CABCOCO1: variants seen among roughly 807,000 people sequenced by gnomAD.
The protein encoded by CABCOCO1 is ciliary-associated calcium-binding coiled-coil protein 1.
CABCOCO1 carries 28 observed loss-of-function variants against 35.7 expected under a neutral mutation model. The ratio of observed to expected loss-of-function variants is 0.78; its 90% CI spans 0.58 to 1.07. CABCOCO1 has a LOEUF of 1.07. Among genes scored for constraint, CABCOCO1 ranks in the 50% least tolerant of loss-of-function variants. The probability of loss-of-function intolerance (pLI) is 0.00; values close to 1 mark genes in which losing one functional copy is unlikely to be tolerated. For missense variants in CABCOCO1, 326 were observed against 309.2 expected (o/e 1.05, Z -0.41); for synonymous variants, 95 against 100.1 (o/e 0.95, Z 0.30).
rs1589121208 is a variant in CABCOCO1 at position 61,686,123 on chromosome 10, T to G, written c.417T>G (p.Ser139Arg). The change falls in exon 4 of 8, where the codon AGT becomes AGG. Residue 139 changes from serine (S) to arginine (R), a missense_variant. By Grantham distance (110) the Ser-to-Arg change is moderately radical. Coordinates refer to ENST00000648843, the MANE Select transcript of CABCOCO1 (RefSeq NM_001366906.2). ...AEIGPTHSQK[S>R]EDWNIFDVKQ... ...TAGGACCAACACATTCGCAAAAGAG[T>G]GAGGACTGGAATATCTTTGATGTAA... 2 of 1,605,390 alleles carry G rather than the reference T, an allele frequency of 1.2e-6. No homozygotes were observed.
At chr10:61,702,443 G>A (rs1019099515) in intron 5 of CABCOCO1, among the ~76,000 whole-genome samples, 1 of 152,118 alleles carries the variant, frequency 6.6e-6, no homozygotes, top group African/African-American at 2.4e-5. Flanking sequence ...AAATCATATA[G>A]GATTGCTTAC....
Position 61,766,110 on chromosome 10 carries a change from G to GT in CABCOCO1, c.*99dup. 9.0e-7 allele frequency: 1 copy of GT among 1,115,738 alleles called. No individual in the cohort carries two copies. The highest frequency in any genetic ancestry group is 1.3e-6 in the Non-Finnish European group (1 of 783,134). 69.1% of individuals were successfully genotyped at this position (1,115,738 alleles called of 1,614,324 possible). ...TGGAGCGTCGTGTCTCCATCACTTA[G>GT]TTGTGAAAGGAAAACCAAGCCCCAC... On this transcript the variant is annotated 3_prime_UTR_variant, in exon 8 of 8. Transcript: ENST00000648843.
chr10:61,693,789 A>C (rs776582103), intron 5 of CABCOCO1, among the ~76,000 whole-genome samples: 3 of 152,116 alleles, frequency 2.0e-5, no homozygotes, highest in Non-Finnish European at 2.9e-5. Context: ...GATATCACAA[A>C]AAGGCAATTA....
intron 5 of CABCOCO1, among the ~76,000 whole-genome samples, chr10:61,715,550 T>C (rs984731817): frequency 1.3e-5 from 2 of 152,208 alleles, no homozygotes; most frequent in Non-Finnish European, 2.9e-5. Context: ...TTTGATCCTG[T>C]CATTGTGATA....
chr10:61,726,827 G>T (rs1045094286), intron 5 of CABCOCO1, among the ~76,000 whole-genome samples: 4 of 151,422 alleles, frequency 2.6e-5, no homozygotes, highest in Admixed American at 6.6e-5. Context: ...GGAGGCGAGC[G>T]GGGGTGGATC....
At chr10:61,738,860 T>C (rs1454940476) in intron 5 of CABCOCO1, among the ~76,000 whole-genome samples, 1 of 152,246 alleles carries the variant, frequency 6.6e-6, no homozygotes, top group Non-Finnish European at 1.5e-5. Context: ...ACTCATAATT[T>C]AGAGACTATT....
intron 1 of CABCOCO1, among the ~76,000 whole-genome samples, chr10:61,667,023 A>G (rs1036538319): frequency 1.4e-5 from 2 of 141,900 alleles, no homozygotes; most frequent in Admixed American, 1.5e-4. Flanking sequence ...AGTATATATA[A>G]ATATAATTAT....
At chr10:61,676,227 C>T (rs942837163) in intron 2 of CABCOCO1, among the ~76,000 whole-genome samples, 1 of 152,146 alleles carries the variant, frequency 6.6e-6, no homozygotes, top group African/African-American at 2.4e-5. Context: ...ATACAGTATT[C>T]ATGTGGTCTT....
intron 5 of CABCOCO1, among the ~76,000 whole-genome samples, chr10:61,715,800 G>T (rs1480766376): frequency 6.6e-6 from 1 of 152,104 alleles, no homozygotes; most frequent in South Asian, 2.1e-4. Flanking sequence ...GACATTCTGG[G>T]TTGAAAATTC....
At chr10:61,672,298 T>C (rs1839384466) in intron 1 of CABCOCO1, among the ~76,000 whole-genome samples, 1 of 152,224 alleles carries the variant, frequency 6.6e-6, no homozygotes, top group African/African-American at 2.4e-5. Flanking sequence ...GATGTTAAGC[T>C]TCTTGAGGTT....
intron 5 of CABCOCO1, among the ~76,000 whole-genome samples, chr10:61,749,306 T>C (rs545307211): frequency 4.6e-5 from 7 of 152,354 alleles, no homozygotes; most frequent in African/African-American, 1.7e-4. Flanking sequence ...GTCTAGGTTA[T>C]TGGTTGTTTT....
intron 5 of CABCOCO1, among the ~76,000 whole-genome samples, chr10:61,720,995 G>T (rs1841000203): frequency 7.4e-6 from 1 of 135,508 alleles, no homozygotes; most frequent in African/African-American, 2.7e-5. Context: ...CGCGATCTCG[G>T]TTAACTGCAA....
At chr10:61,745,483 A>T (rs2132073280) in intron 5 of CABCOCO1, among the ~76,000 whole-genome samples, 1 of 152,082 alleles carries the variant, frequency 6.6e-6, no homozygotes, top group South Asian at 2.1e-4. Context: ...AAAATCAGGG[A>T]CTCACCCAAC....
At chr10:61,730,522 T>C (rs1229224052) in intron 5 of CABCOCO1, among the ~76,000 whole-genome samples, 1 of 152,118 alleles carries the variant, frequency 6.6e-6, no homozygotes, top group African/African-American at 2.4e-5. Context: ...TATTGTCATT[T>C]AGTAACCATC....
intron 5 of CABCOCO1, among the ~76,000 whole-genome samples, chr10:61,753,466 A>C (rs1166407158): frequency 1.3e-5 from 2 of 152,278 alleles, no homozygotes; most frequent in East Asian, 3.9e-4. Flanking sequence ...ACAATGCTGA[A>C]TTTAGTAGTT....
chr10:61,718,436 G>C (rs1264932176), intron 5 of CABCOCO1, among the ~76,000 whole-genome samples: 1 of 152,116 alleles, frequency 6.6e-6, no homozygotes, highest in Non-Finnish European at 1.5e-5. Context: ...AAATAGTTAT[G>C]AATTGTTTGT....
chr10:61,680,637 CATATATA>C (rs1839724304), intron 2 of CABCOCO1, among the ~76,000 whole-genome samples: 2 of 53,014 alleles, frequency 3.8e-5, no homozygotes, highest in South Asian at 6.1e-4. Flanking sequence ...ACATGTTATA[CATATATA>C]ATATATATTA....
intron 5 of CABCOCO1, among the ~76,000 whole-genome samples, chr10:61,754,917 G>A (rs762952265): frequency 3.3e-5 from 5 of 152,124 alleles, no homozygotes; most frequent in Non-Finnish European, 5.9e-5. Flanking sequence ...ATACTCTGCA[G>A]AAGCCTGGCA....
At chr10:61,684,408 G>T (rs758832222) in intron 3 of CABCOCO1, among the ~76,000 whole-genome samples, 2 of 152,078 alleles carry the variant, frequency 1.3e-5, no homozygotes, top group African/African-American at 4.8e-5. Flanking sequence ...AGTAATTTTG[G>T]TATTTAGGGT....
Sources: gnomAD v4.1 joint callset for allele counts (sites outside exome capture counted in the v4.1 genomes callset) on GRCh38, gnomAD v4.1.1 for gene constraint, MANE v1.5 for transcripts, NCBI Gene and HGNC (gene_info 2026-07-23, HGNC 2026-07-21) for gene names.